Variants in RUFY3 observed in about 807,000 individuals in gnomAD.
RUFY3 encodes protein RUFY3.
A neutral mutation model predicts 84.0 loss-of-function variants in RUFY3; 34 were observed. The ratio of observed to expected loss-of-function variants is 0.40; its 90% confidence interval spans 0.31 to 0.54. The LOEUF (loss-of-function observed/expected upper bound fraction) is 0.54, where lower values mean the gene tolerates loss of function less well. Among genes scored for constraint, RUFY3 ranks in the 20% least tolerant of loss-of-function variants. RUFY3 has a pLI of 0.39. For missense variants in RUFY3, 507 were observed against 736.8 expected, an observed-to-expected ratio of 0.69 and a Z score of 3.61; for synonymous variants, 242 against 252.9, an observed-to-expected ratio of 0.96 and a Z score of 0.41.
intron 6 of RUFY3, among the ~76,000 whole-genome samples, chr4:70,774,934 G>A (rs898760788): frequency 5.3e-5 from 8 of 151,780 alleles, no homozygotes; most frequent in Non-Finnish European, 1.2e-4. Context: ...TAATACTGAG[G>A]TTTGTAAGCT....
At chr4:70,711,024 A>G (rs1740924679) in intron 1 of RUFY3, among the ~76,000 whole-genome samples, 1 of 145,752 alleles carries the variant, frequency 6.9e-6, no homozygotes, top group Non-Finnish European at 1.5e-5. Context: ...AAGATCCGCC[A>G]CTACACTCCA....
intron 1 of RUFY3, 143 bp downstream of exon 1, chr4:70,722,894 C>A: frequency 1.4e-6 from 1 of 697,598 alleles, no homozygotes; most frequent in Non-Finnish European, 2.2e-6. Context: ...ACTTACCACC[C>A]AGCTCCCCTT....
chr4:70,708,975 A>T (rs1265334950), intron 1 of RUFY3, among the ~76,000 whole-genome samples: 2 of 152,190 alleles, frequency 1.3e-5, no homozygotes, highest in East Asian at 3.9e-4. Flanking sequence ...GGAGGATGGC[A>T]TGAGTCTGGG....
At position 70,788,955 on chromosome 4, in the gene RUFY3, A is replaced by C. The variant is rs771845086; in HGVS notation, c.1221A>C (p.Glu407Asp). The change falls in exon 11 of 18, where the codon GAA becomes GAC. Residue 407 changes from glutamate (E) to aspartate (D), a missense_variant. Physicochemically the swap from Glu to Asp is conservative, Grantham distance 45. Coordinates refer to ENST00000381006, the MANE Select transcript of RUFY3 (RefSeq NM_001037442.4). ...QLDDLRALKH[E>D]LAFKLQSSDL... ...ATGACCTCAGAGCTCTCAAGCATGA[A>C]CTTGCCTTTAAGCTGCAGGTAGGGG... 1 of 1,614,056 alleles carries C rather than the reference A, an allele frequency of 6.2e-7. No individual in the cohort carries two copies. Among genetic ancestry groups the C allele is most frequent in the South Asian group, 1.1e-5 (1 of 91,070 alleles).
chr4:70,755,135 C>T (rs1024870779), intron 1 of RUFY3, among the ~76,000 whole-genome samples: 4 of 152,136 alleles, frequency 2.6e-5, no homozygotes, highest in Non-Finnish European at 5.9e-5. Flanking sequence ...AACTTTTGAC[C>T]TCAGATGATC....
At chr4:70,767,269 T>A (rs977074976) in intron 4 of RUFY3, among the ~76,000 whole-genome samples, 2 of 142,084 alleles carry the variant, frequency 1.4e-5, no homozygotes, top group Non-Finnish European at 3.1e-5. Context: ...ATTTTTTTTT[T>A]TTTTTTTTTT....
intron 15 of RUFY3, among the ~76,000 whole-genome samples, chr4:70,802,114 A>C (rs959191320): frequency 6.6e-6 from 1 of 152,348 alleles, no homozygotes; most frequent in Admixed American, 6.5e-5. Flanking sequence ...TGGGTGACTT[A>C]TCCAAGTTGC....
In RUFY3 at chr4:70,745,779, TTA is replaced by T. The variant is rs1722099054; in HGVS notation, c.179-16739_179-16738del. ...GCCACATCGTCATTCAATAAGCTTATTAAGTTAAACAAAATTGTTATAATGGC... is the reference window on the plus strand; with the variant it reads ...GCCACATCGTCATTCAATAAGCTTATAGTTAAACAAAATTGTTATAATGGC... On this transcript the variant is annotated intron_variant, in intron 1 of 17. Coordinates refer to ENST00000381006, the MANE Select transcript of RUFY3 (RefSeq NM_001037442.4). Among the ~76,000 whole-genome samples, 4 of 152,260 alleles carry T rather than the reference TTA, an allele frequency of 2.6e-5. No individual in the cohort carries two copies. In the South Asian group the frequency reaches 8.3e-4, roughly 32 times the overall value.
intron 14 of RUFY3, among the ~76,000 whole-genome samples, chr4:70,795,874 G>A (rs767835768): frequency 3.2e-4 from 48 of 152,336 alleles, no homozygotes; most frequent in Admixed American, 1.5e-3. Context: ...GGACTGTAAA[G>A]TGGATGCCTA....
intron 8 of RUFY3, among the ~76,000 whole-genome samples, chr4:70,778,666 G>A (rs552107703): frequency 1.5e-4 from 21 of 140,776 alleles, no homozygotes; most frequent in East Asian, 1.0e-3. Flanking sequence ...CGCAACCTCC[G>A]TCTCCCAAGT....
intron 1 of RUFY3, among the ~76,000 whole-genome samples, chr4:70,716,436 G>A (rs1032501129): frequency 1.2e-4 from 18 of 152,076 alleles, no homozygotes; most frequent in Admixed American, 9.2e-4. Context: ...GTGAGCCGCC[G>A]CGCCCTGCCG....
chr4:70,733,667 T>C (rs1719830809), intron 1 of RUFY3, among the ~76,000 whole-genome samples: 2 of 152,182 alleles, frequency 1.3e-5, no homozygotes, highest in Non-Finnish European at 2.9e-5. Flanking sequence ...ATATTTGATG[T>C]GTAGGGTAAT....
chr4:70,736,115 C>T (rs1720237761), intron 1 of RUFY3, among the ~76,000 whole-genome samples: 1 of 137,732 alleles, frequency 7.3e-6, no homozygotes, highest in Admixed American at 7.8e-5. Flanking sequence ...GATTGCGCCA[C>T]AGTGCTCCAC....
At chr4:70,761,358 TA>T (rs1403158095) in intron 1 of RUFY3, among the ~76,000 whole-genome samples, 3 of 152,188 alleles carry the variant, frequency 2.0e-5, no homozygotes, top group African/African-American at 7.2e-5. Flanking sequence ...AATAATCATG[TA>T]AAAGAATGGT....
chr4:70,770,502 G>A (rs776075877), intron 5 of RUFY3, among the ~76,000 whole-genome samples: 42 of 152,136 alleles, frequency 2.8e-4, no homozygotes, highest in Non-Finnish European at 5.6e-4. Flanking sequence ...CTTAAACCTC[G>A]TAAACCAGTG....
At chr4:70,772,283 G>A (rs2148733701) in intron 5 of RUFY3, among the ~76,000 whole-genome samples, 1 of 152,166 alleles carries the variant, frequency 6.6e-6, no homozygotes, top group Middle Eastern at 3.4e-3. Flanking sequence ...CAATGCTCAA[G>A]CCCTTACAGT....
At chr4:70,746,367 C>T (rs2148660810) in intron 1 of RUFY3, among the ~76,000 whole-genome samples, 1 of 150,690 alleles carries the variant, frequency 6.6e-6, no homozygotes, top group South Asian at 2.1e-4. Context: ...ATTAGCCAGG[C>T]ATGGTGGCGG....
At chr4:70,793,947 A>G in intron 13 of RUFY3, 43 bp downstream of exon 13, 1 of 1,606,604 alleles carries the variant, frequency 6.2e-7, no homozygotes, top group Non-Finnish European at 8.5e-7. Flanking sequence ...GTCATGGGTA[A>G]TTCTTAGGGT....
intron 1 of RUFY3, among the ~76,000 whole-genome samples, chr4:70,705,695 T>C (rs1740238592): frequency 6.6e-6 from 1 of 151,548 alleles, no homozygotes; most frequent in African/African-American, 2.4e-5. Flanking sequence ...CCCGAAGGAG[T>C]CTAAGAGGGG....
Sources: allele counts gnomAD v4.1 joint callset (sites outside exome capture counted in the v4.1 genomes callset), GRCh38; gene constraint gnomAD v4.1.1; transcripts MANE v1.5; gene names NCBI Gene and HGNC (gene_info 2026-07-23, HGNC 2026-07-21).